PEMT: variants seen among roughly 807,000 people sequenced by gnomAD.
The protein encoded by PEMT is phosphatidylethanolamine N-methyltransferase.
PEMT carries 23 observed loss-of-function variants against 27.4 expected under a neutral mutation model. That is an observed-to-expected ratio of 0.84 (90% CI 0.60 to 1.19). The LOEUF is 1.19. Ranked by LOEUF, PEMT falls within the 50% of genes most tolerant of loss-of-function variation. The probability of loss-of-function intolerance (pLI) is 0.00; values close to 1 mark genes in which losing one functional copy is unlikely to be tolerated. For synonymous variants in PEMT, 137 were observed against 139.1 expected, an observed-to-expected ratio of 0.98 and a Z score of 0.11; for missense variants, 307 against 310.1, an observed-to-expected ratio of 0.99 and a Z score of 0.07.
chr17:17,530,881 C>T, intron 2 of PEMT, among the ~76,000 whole-genome samples: 1 of 151,796 alleles, frequency 6.6e-6, no homozygotes, highest in East Asian at 1.9e-4. Context: ...ATTCATTTTT[C>T]CATTACAAAA....
chr17:17,534,905 T>A (rs1315020125), intron 2 of PEMT, among the ~76,000 whole-genome samples: 3 of 120,048 alleles, frequency 2.5e-5, no homozygotes, highest in Non-Finnish European at 5.1e-5. Flanking sequence ...CTATTTTATT[T>A]TATTTTATTT....
intron 2 of PEMT, among the ~76,000 whole-genome samples, chr17:17,531,621 C>CAAAAAAAAA (rs58165466): frequency 3.0e-4 from 19 of 62,400 alleles, no homozygotes; most frequent in Non-Finnish European, 4.0e-4. Flanking sequence ...CTATCATATG[C>CAAAAAAAAA]AAAAAAAAAA....
At chr17:17,568,880 A>C (rs2046538342) in intron 2 of PEMT, among the ~76,000 whole-genome samples, 1 of 151,892 alleles carries the variant, frequency 6.6e-6, no homozygotes, top group Non-Finnish European at 1.5e-5. Context: ...AGCACACCTC[A>C]CCTTGCCCAC....
intron 1 of PEMT, among the ~76,000 whole-genome samples, chr17:17,586,268 G>GAAAGAA (rs1912285959): frequency 1.8e-5 from 2 of 109,734 alleles, no homozygotes; most frequent in Non-Finnish European, 3.6e-5. Context: ...AAGAAAGAAA[G>GAAAGAA]AAAGAAAGAA....
rs552511649 is a variant in PEMT at position 17,591,481 on chromosome 17, C to A, written c.96+50G>T. ...GCCGCAAGCCTTCACGCCCCTCGGG[C>A]CTTGCAGATCCCTCTCCCAGTTTCC... On this transcript the variant is annotated intron_variant, in intron 1 of 6. Coordinates refer to ENST00000255389, the MANE Select transcript of PEMT (RefSeq NM_148172.3). 2.1e-5 allele frequency: 30 copies of A among 1,461,496 alleles called. No individual in the cohort carries two copies. In the East Asian group the frequency reaches 7.2e-4, roughly 35 times the overall value. 90.5% of individuals were successfully genotyped at this position (1,461,496 alleles called of 1,614,324 possible).
At chr17:17,548,498 C>T (rs541650365) in intron 2 of PEMT, among the ~76,000 whole-genome samples, 1 of 152,310 alleles carries the variant, frequency 6.6e-6, no homozygotes, top group East Asian at 1.9e-4. Context: ...ATCAGAACAT[C>T]AAGTCTGTGG....
At chr17:17,589,052 C>T (rs940905683) in intron 1 of PEMT, among the ~76,000 whole-genome samples, 1 of 152,254 alleles carries the variant, frequency 6.6e-6, no homozygotes, top group Non-Finnish European at 1.5e-5. Flanking sequence ...CCTCCACCTA[C>T]GGGGTTCAAG....
intron 4 of PEMT, among the ~76,000 whole-genome samples, chr17:17,511,513 G>C (rs1906394364): frequency 6.6e-6 from 1 of 152,228 alleles, no homozygotes; most frequent in African/African-American, 2.4e-5. Context: ...GGCCCAAGGA[G>C]CTGTAGCCGG....
intron 2 of PEMT, among the ~76,000 whole-genome samples, chr17:17,530,249 A>T (rs1907992222): frequency 1.3e-5 from 2 of 152,218 alleles, no homozygotes. Context: ...TAATCCCAGC[A>T]CTTTAGGTGG....
At chr17:17,542,663 G>C (rs1260679522) in intron 2 of PEMT, among the ~76,000 whole-genome samples, 1 of 152,222 alleles carries the variant, frequency 6.6e-6, no homozygotes, top group Non-Finnish European at 1.5e-5. Flanking sequence ...CACAATCCTG[G>C]TGTTTCTAGA....
chr17:17,590,891 C>A (rs1912551676), intron 1 of PEMT, among the ~76,000 whole-genome samples: 1 of 152,216 alleles, frequency 6.6e-6, no homozygotes, highest in African/African-American at 2.4e-5. Flanking sequence ...CAGAGGGCAG[C>A]CTCAGCAGGC....
At chr17:17,547,040 G>A (rs2142627305) in intron 2 of PEMT, among the ~76,000 whole-genome samples, 1 of 152,374 alleles carries the variant, frequency 6.6e-6, no homozygotes, top group East Asian at 1.9e-4. Flanking sequence ...TCCAGCTCCA[G>A]GCGTGCTCTC....
At chr17:17,516,446 T>C (rs1408210316) in intron 3 of PEMT, among the ~76,000 whole-genome samples, 2 of 152,004 alleles carry the variant, frequency 1.3e-5, no homozygotes, top group Non-Finnish European at 2.9e-5. Flanking sequence ...AGAGAGTCTG[T>C]CTTGTTTTAC....
chr17:17,579,417 C>A (rs1278012842), intron 1 of PEMT, among the ~76,000 whole-genome samples: 1 of 152,206 alleles, frequency 6.6e-6, no homozygotes, highest in African/African-American at 2.4e-5. Context: ...GTGGCTCATG[C>A]CTATAATCCC....
chr17:17,541,892 C>T (rs962024224), intron 2 of PEMT, among the ~76,000 whole-genome samples: 1 of 152,244 alleles, frequency 6.6e-6, no homozygotes, highest in Admixed American at 6.5e-5. Flanking sequence ...ACATGTGAGC[C>T]CAACACCCAG....
intron 2 of PEMT, among the ~76,000 whole-genome samples, chr17:17,529,181 G>C (rs901478076): frequency 2.7e-4 from 41 of 152,326 alleles, no homozygotes; most frequent in African/African-American, 9.4e-4. Flanking sequence ...AGCCCCCTCT[G>C]CTCTGCACAC....
chr17:17,574,230 C>A (rs1225521968), intron 2 of PEMT, among the ~76,000 whole-genome samples: 4 of 86,688 alleles, frequency 4.6e-5, no homozygotes, highest in African/African-American at 1.9e-4. Flanking sequence ...TGAGACTAAT[C>A]AAAAGCTTAT....
intron 5 of PEMT, chr17:17,508,098 TA>T (rs1906038226): frequency 6.6e-6 from 1 of 152,470 alleles, no homozygotes; most frequent in African/African-American, 2.4e-5. Context: ...GGGAGGGTTC[TA>T]GGCGAGGGAA....
intron 4 of PEMT, among the ~76,000 whole-genome samples, chr17:17,511,961 A>C (rs1033798094): frequency 6.6e-6 from 1 of 152,178 alleles, no homozygotes; most frequent in Non-Finnish European, 1.5e-5. Flanking sequence ...CCTCAGCCAC[A>C]GGCAGAGGGA....
Sources: gnomAD v4.1 joint callset for allele counts (sites outside exome capture counted in the v4.1 genomes callset) on GRCh38, gnomAD v4.1.1 for gene constraint, MANE v1.5 for transcripts, NCBI Gene and HGNC (gene_info 2026-07-23, HGNC 2026-07-21) for gene names.